Variants in MYO1D observed in about 807,000 individuals in gnomAD.
MYO1D encodes the protein myosin ID, also known as unconventional myosin-Id.
A neutral mutation model predicts 122.0 loss-of-function variants in MYO1D; 83 were observed. The ratio of observed to expected loss-of-function variants is 0.68; its 90% CI spans 0.57 to 0.82. The LOEUF (loss-of-function observed/expected upper bound fraction) is 0.82, where lower values mean the gene tolerates loss of function less well. Ranked by LOEUF, MYO1D falls within the 40% of genes least tolerant of loss-of-function variation. The pLI is 0.00. For synonymous variants in MYO1D, 464 were observed against 446.9 expected (o/e 1.04, Z -0.48); for missense variants, 1,157 against 1,269.5 (o/e 0.91, Z 1.35).
At chr17:32,836,497 A>T (rs932825319) in intron 1 of MYO1D, among the ~76,000 whole-genome samples, 2 of 152,156 alleles carry the variant, frequency 1.3e-5, no homozygotes, top group African/African-American at 4.8e-5. Context: ...AGGGGTAACC[A>T]CTATTCTGCC....
chr17:32,697,289 T>C (rs2089185286), intron 16 of MYO1D, among the ~76,000 whole-genome samples: 3 of 152,350 alleles, frequency 2.0e-5, no homozygotes, highest in African/African-American at 7.2e-5. Context: ...TTTTCCTGCA[T>C]AGCCACATGT....
intron 21 of MYO1D, among the ~76,000 whole-genome samples, chr17:32,595,627 G>T (rs948833819): frequency 3.9e-5 from 6 of 152,118 alleles, no homozygotes; most frequent in African/African-American, 4.8e-5. Flanking sequence ...ACCGCGAGTG[G>T]GGCCTATCAG....
At chr17:32,790,921 G>T (rs2090343817) in intron 1 of MYO1D, among the ~76,000 whole-genome samples, 1 of 152,210 alleles carries the variant, frequency 6.6e-6, no homozygotes, top group South Asian at 2.1e-4. Context: ...AAGAAAAGCG[G>T]ATTCTATCAC....
rs2150913555 is a variant in MYO1D, at chr17:32,605,249, G to A, written c.2710-8C>T. On this transcript the variant is annotated splice_region_variant and splice_polypyrimidine_tract_variant and intron_variant, in intron 20 of 21. Coordinates refer to ENST00000318217, the MANE Select transcript of MYO1D (RefSeq NM_015194.3). ...GACACTCAGACCAGTCAACTGCAAA[G>A]AGAAAATGCATGGAAAACTATTTGG... The A allele has an allele frequency of 6.5e-7, 1 of 1,535,698 alleles. No homozygotes were observed. The highest frequency in any genetic ancestry group is 2.3e-5 in the East Asian group (1 of 43,532).
intron 19 of MYO1D, among the ~76,000 whole-genome samples, chr17:32,646,932 C>T (rs191779803): frequency 1.3e-5 from 2 of 152,254 alleles, no homozygotes; most frequent in East Asian, 3.9e-4. Flanking sequence ...GGCAAAAAAG[C>T]ACTCTTTTCT....
intron 1 of MYO1D, among the ~76,000 whole-genome samples, chr17:32,821,520 T>A (rs1005475993): frequency 6.7e-6 from 1 of 148,488 alleles, no homozygotes; most frequent in African/African-American, 2.6e-5. Flanking sequence ...CTTTGTCAGC[T>A]GAAGATAAGT....
chr17:32,553,186 T>A (rs2087036748), intron 21 of MYO1D, among the ~76,000 whole-genome samples: 1 of 151,690 alleles, frequency 6.6e-6, no homozygotes, highest in South Asian at 2.1e-4. Flanking sequence ...AACTCTTCCC[T>A]GTTGCTGGGG....
chr17:32,688,749 A>C (rs1031870028), intron 16 of MYO1D, among the ~76,000 whole-genome samples: 1 of 152,160 alleles, frequency 6.6e-6, no homozygotes, highest in Admixed American at 6.5e-5. Context: ...CGGAGACACA[A>C]CACCATAAAA....
intron 1 of MYO1D, among the ~76,000 whole-genome samples, chr17:32,844,725 TA>T (rs1217428599): frequency 6.6e-6 from 1 of 151,804 alleles, no homozygotes; most frequent in East Asian, 1.9e-4. Context: ...ACCCTATCTC[TA>T]AAAAAACAAT....
intron 21 of MYO1D, among the ~76,000 whole-genome samples, chr17:32,549,794 T>C (rs948008728): frequency 2.0e-5 from 3 of 152,202 alleles, no homozygotes; most frequent in African/African-American, 7.2e-5. Context: ...GACACGTTAA[T>C]TGCATTAACT....
At chr17:32,553,861 C>T (rs919889989) in intron 21 of MYO1D, among the ~76,000 whole-genome samples, 2 of 152,216 alleles carry the variant, frequency 1.3e-5, no homozygotes, top group African/African-American at 4.8e-5. Flanking sequence ...CCAGTACAGA[C>T]TCCTGGGGTC....
chr17:32,519,012 C>CTGG (rs1330965334), intron 21 of MYO1D: 1 of 152,388 alleles, frequency 6.6e-6, no homozygotes. Context: ...GGGCACTGGA[C>CTGG]GTCGAGTCTC....
chr17:32,712,430 A>G (rs950926815), intron 15 of MYO1D, among the ~76,000 whole-genome samples: 17 of 152,320 alleles, frequency 1.1e-4, no homozygotes, highest in Admixed American at 5.9e-4. Flanking sequence ...CATACAGTCT[A>G]TTTGCCAAAA....
chr17:32,657,232 C>T lies in MYO1D; in HGVS notation c.2345+1883G>A, dbSNP rs537083750. On this transcript the variant is annotated intron_variant, in intron 17 of 21. Coordinates refer to ENST00000318217, the MANE Select transcript of MYO1D (RefSeq NM_015194.3). The stretch of plus-strand genomic sequence containing the variant: ...GATGCACATTGAGATTTTAGAAAAA[C>T]AAACATAAGAATGTTACAATCACAG... Among the ~76,000 whole-genome samples, 7 of 152,288 alleles carry T rather than the reference C, an allele frequency of 4.6e-5. No homozygotes were observed. In the East Asian group the frequency reaches 1.3e-3, roughly 29 times the overall value.
At chr17:32,652,338 A>G (rs2088403628) in intron 19 of MYO1D, among the ~76,000 whole-genome samples, 1 of 152,138 alleles carries the variant, frequency 6.6e-6, no homozygotes, top group African/African-American at 2.4e-5. Flanking sequence ...CATTATTTTG[A>G]TCTGAATACT....
intron 1 of MYO1D, among the ~76,000 whole-genome samples, chr17:32,814,180 C>T (rs933746302): frequency 1.2e-4 from 19 of 152,028 alleles, no homozygotes; most frequent in African/African-American, 4.6e-4. Flanking sequence ...CCTGTCTCCA[C>T]TAAAATTACA....
chr17:32,593,932 A>G (rs181283659), intron 21 of MYO1D, among the ~76,000 whole-genome samples: 2 of 152,358 alleles, frequency 1.3e-5, no homozygotes, highest in African/African-American at 4.8e-5. Context: ...GCGAGACTCC[A>G]TCTCAAAAAA....
At chr17:32,622,401 T>C (rs1014342763) in intron 20 of MYO1D, among the ~76,000 whole-genome samples, 1 of 151,820 alleles carries the variant, frequency 6.6e-6, no homozygotes. Context: ...AACAAGAGAG[T>C]CCCCGACCCT....
intron 20 of MYO1D, among the ~76,000 whole-genome samples, chr17:32,631,581 A>G (rs895180624): frequency 6.6e-6 from 1 of 152,094 alleles, no homozygotes; most frequent in Non-Finnish European, 1.5e-5. Flanking sequence ...CAGGAGTTTA[A>G]GGCTGCAGTG....
Sources: allele counts gnomAD v4.1 joint callset (sites outside exome capture counted in the v4.1 genomes callset), GRCh38; gene constraint gnomAD v4.1.1; transcripts MANE v1.5; gene names NCBI Gene and HGNC (gene_info 2026-07-23, HGNC 2026-07-21).